COQ5: variants seen among roughly 807,000 people sequenced by gnomAD.
COQ5 encodes the protein 2-methoxy-6-polyprenyl-1,4-benzoquinol methylase, mitochondrial.
COQ5 carries 27 observed loss-of-function variants against 40.5 expected under a neutral mutation model. The ratio of observed to expected loss-of-function variants is 0.67; its 90% CI spans 0.49 to 0.92. COQ5 has a LOEUF of 0.92. COQ5 is among the 40% of genes least tolerant of loss of function. COQ5 has a pLI of 0.00. For missense variants in COQ5, 409 were observed against 406.4 expected (o/e 1.01, Z -0.06); for synonymous variants, 141 against 150.0 (o/e 0.94, Z 0.44).
intron 1 of COQ5, 93 bp from the exon 2 acceptor site, chr12:120,522,456 A>G (rs1260306323): frequency 2.4e-6 from 3 of 1,262,568 alleles, no homozygotes; most frequent in Non-Finnish European, 3.5e-6. Context: ...TTCCCCTGAA[A>G]TGACCTGGCT....
Position 120,508,980 on chromosome 12 carries a change from G to A in COQ5, c.681+1037C>T, listed in dbSNP as rs144770810. On this transcript the variant is annotated intron_variant, in intron 4 of 6. Coordinates refer to ENST00000288532, the MANE Select transcript of COQ5 (RefSeq NM_032314.4). ...ACAGAGGTTGTAGTGAGCCAAGATC[G>A]CGCCACTGCACTCCAGCCTGGCAAC... Among the ~76,000 whole-genome samples, 1,357 of 150,614 alleles carry A rather than the reference G, an allele frequency of 9.0e-3. 6 individuals carry two copies. Among genetic ancestry groups the A allele is most frequent in the Non-Finnish European group, 0.014 (980 of 67,824 alleles).
chr12:120,503,812 A>G lies in COQ5; in HGVS notation c.956T>C (p.Val319Ala), dbSNP rs1437396578. Residue 319 changes from valine (V) to alanine (A), a missense_variant, in exon 7 of 7, where the codon GTG becomes GCG. Physicochemically the swap from Val to Ala is moderately conservative, Grantham distance 64. Transcript: ENST00000288532. ...AAGTTTGAAGCCAGAATGAATGGCCACAATGCCTGATGTTAGACTTTCGTA... is the reference window on the plus strand; with the variant it reads ...AAGTTTGAAGCCAGAATGAATGGCCGCAATGCCTGATGTTAGACTTTCGTA... The part of the protein sequence containing the change: ...VTYESLTSGI[V>A]AIHSGFKL 1.9e-6 allele frequency: 3 copies of G among 1,614,068 alleles called. No homozygotes were observed. Among genetic ancestry groups the G allele is most frequent in the East Asian group, 4.5e-5 (2 of 44,890 alleles).
At chr12:120,514,745 AAACAACAACAACAAC>A (rs375392327) in intron 3 of COQ5, among the ~76,000 whole-genome samples, 1 of 147,818 alleles carries the variant, frequency 6.8e-6, no homozygotes, top group Non-Finnish European at 1.5e-5. Context: ...TCTGTCTCAG[AAACAACAACAACAAC>A]AACAACAACA....
At chr12:120,512,611 CATAA>C (rs1213991690) in intron 3 of COQ5, among the ~76,000 whole-genome samples, 2 of 151,938 alleles carry the variant, frequency 1.3e-5, no homozygotes, top group South Asian at 2.1e-4. Flanking sequence ...AAAATAAATA[CATAA>C]ATAAACAAAC....
intron 2 of COQ5, among the ~76,000 whole-genome samples, chr12:120,517,848 C>T (rs947558995): frequency 6.6e-6 from 1 of 150,906 alleles, no homozygotes; most frequent in African/African-American, 2.4e-5. Flanking sequence ...GCTCTTGTTG[C>T]CCAGGCTGGA....
At chr12:120,517,967 C>A (rs1869457984) in intron 2 of COQ5, among the ~76,000 whole-genome samples, 1 of 151,942 alleles carries the variant, frequency 6.6e-6, no homozygotes, top group South Asian at 2.1e-4. Context: ...GCCACCAAAC[C>A]TGGCTAATTT....
At chr12:120,519,870 CAAAAA>C (rs1176340696) in intron 2 of COQ5, among the ~76,000 whole-genome samples, 4 of 99,192 alleles carry the variant, frequency 4.0e-5, no homozygotes, top group Non-Finnish European at 6.1e-5. Context: ...GACTTGGACT[CAAAAA>C]AAAAAAAAAA....
chr12:120,520,826 T>A (rs1161340869), intron 2 of COQ5, among the ~76,000 whole-genome samples: 1 of 151,828 alleles, frequency 6.6e-6, no homozygotes, highest in African/African-American at 2.4e-5. Flanking sequence ...CATTTTTCTC[T>A]CCAAATGCTC....
At chr12:120,523,263 G>A (rs748408982) in intron 1 of COQ5, 2 of 199,264 alleles carry the variant, frequency 1.0e-5, no homozygotes, top group Non-Finnish European at 2.0e-5. Flanking sequence ...CGTGAACCTG[G>A]GAGGTGGAGC....
chr12:120,522,271 G>A lies in COQ5; in HGVS notation c.295C>T (p.Leu99Phe), dbSNP rs761658514. The A allele has an allele frequency of 1.2e-6, 2 of 1,614,118 alleles. No homozygotes were observed. Among genetic ancestry groups the A allele is most frequent in the Admixed American group, 1.7e-5 (1 of 60,002 alleles). Reference sequence around the variant, plus strand: ...CCAGGAAGCGGGTGCATCTTCCAGAGCAGCAAATCCTTCCAAACACGATGG... The same window carrying A: ...CCAGGAAGCGGGTGCATCTTCCAGAACAGCAAATCCTTCCAAACACGATGG... ...GIHRVWKDLL[L>F]WKMHPLPGTQ... Residue 99 changes from leucine to phenylalanine, a missense_variant, in exon 2 of 7, where the codon CTC becomes TTC. By Grantham distance (22) the Leu-to-Phe change is conservative. Transcript: ENST00000288532.
At chr12:120,506,140 C>T (rs570977178) in intron 4 of COQ5, among the ~76,000 whole-genome samples, 1 of 152,234 alleles carries the variant, frequency 6.6e-6, no homozygotes, top group African/African-American at 2.4e-5. Context: ...CAGGTGTGAG[C>T]CACCATGCCT....
intron 4 of COQ5, among the ~76,000 whole-genome samples, chr12:120,508,503 A>C (rs1223226349): frequency 6.6e-6 from 1 of 152,216 alleles, no homozygotes; most frequent in Admixed American, 6.5e-5. Context: ...CAAAAATTAC[A>C]AATAAGGATG....
rs61584250 is a variant in COQ5 at position 120,526,698 on chromosome 12, A to ATTTTTTTTTTTTTTT, written c.202+2227_202+2241dup. ...AATAGTGCTCAAACTACTCTTGGCA[A>ATTTTTTTTTTTTTTT]TTTTTTTTTTTTTTTTTTTTTTTTT... On this transcript the variant is annotated intron_variant, in intron 1 of 6. Coordinates refer to ENST00000288532, the MANE Select transcript of COQ5 (RefSeq NM_032314.4). Among the ~76,000 whole-genome samples, 62 of 64,152 alleles carry ATTTTTTTTTTTTTTT rather than the reference A, an allele frequency of 9.7e-4. 13 individuals are homozygous for ATTTTTTTTTTTTTTT. Among genetic ancestry groups the ATTTTTTTTTTTTTTT allele is most frequent in the African/African-American group, 3.2e-3 (39 of 12,194 alleles). 42.1% of individuals were successfully genotyped at this position (64,152 alleles called of 152,430 possible).
rs1158689877 is a variant in COQ5, at chr12:120,528,950, C to T, written c.192G>A (p.Lys64=). 1.9e-6 allele frequency: 3 copies of T among 1,614,172 alleles called. No individual in the cohort carries two copies. The highest frequency in any genetic ancestry group is 2.2e-5 in the South Asian group (2 of 91,084). Residue 64 remains lysine, a synonymous_variant, in exon 1 of 7, where the codon AAG becomes AAA. Coordinates refer to ENST00000288532, the MANE Select transcript of COQ5 (RefSeq NM_032314.4). ...TCTCGCCCCTTTCACCTTTGCCCCC[C>T]TTCTCCTCTTCCGACACAGTCTCAA... The part of the protein sequence containing the change: ...FGFETVSEEE[K]GGKVYQVFES...
chr12:120,513,297 A>C (rs1194983704), intron 3 of COQ5, among the ~76,000 whole-genome samples: 1 of 150,096 alleles, frequency 6.7e-6, no homozygotes, highest in Non-Finnish European at 1.5e-5. Context: ...AGGTCAGGAG[A>C]TCGAGACCAT....
Position 120,525,122 on chromosome 12 carries a change from C to T in COQ5, c.203-2759G>A, listed in dbSNP as rs571132540. ...CGTGCCCGGACTTTTGTTTTTGAGACGGCGTCTAGCTCTGTCGCCCAGGCT... is the reference window on the plus strand; with the variant it reads ...CGTGCCCGGACTTTTGTTTTTGAGATGGCGTCTAGCTCTGTCGCCCAGGCT... On this transcript the variant is annotated intron_variant, in intron 1 of 6. Transcript: ENST00000288532. 7.2e-5 allele frequency among the ~76,000 whole-genome samples: 11 copies of T among 151,892 alleles called. No individual in the cohort carries two copies. The East Asian group carries it at 1.5e-3, about 21-fold the overall frequency.
intron 4 of COQ5, among the ~76,000 whole-genome samples, chr12:120,508,589 C>T (rs1262265588): frequency 1.3e-5 from 2 of 151,992 alleles, no homozygotes; most frequent in South Asian, 2.1e-4. Flanking sequence ...TGAATCATAA[C>T]CAATTCACAA....
intron 1 of COQ5, among the ~76,000 whole-genome samples, chr12:120,528,075 G>A (rs907309156): frequency 3.4e-5 from 5 of 146,502 alleles, no homozygotes; most frequent in Admixed American, 1.4e-4. Context: ...AGTGGCAGAT[G>A]CCTGTAATCC....
chr12:120,513,859 C>T (rs950541206), intron 3 of COQ5, among the ~76,000 whole-genome samples: 5 of 151,998 alleles, frequency 3.3e-5, no homozygotes, highest in Non-Finnish European at 7.4e-5. Flanking sequence ...TTTCTAGGGT[C>T]CTCCTACTTA....
Sources: gnomAD v4.1 joint callset for allele counts (sites outside exome capture counted in the v4.1 genomes callset) on GRCh38, gnomAD v4.1.1 for gene constraint, MANE v1.5 for transcripts, NCBI Gene and HGNC (gene_info 2026-07-23, HGNC 2026-07-21) for gene names.